DPP6: variants seen among roughly 807,000 people sequenced by gnomAD.
The protein encoded by DPP6 is A-type potassium channel modulatory protein DPP6.
A neutral mutation model predicts 122.6 loss-of-function variants in DPP6; 69 were observed. That is an observed-to-expected ratio of 0.56 (90% CI 0.46 to 0.69). The LOEUF (loss-of-function observed/expected upper bound fraction) is 0.69, where lower values mean the gene tolerates loss of function less well. Ranked by LOEUF, DPP6 falls within the 30% of genes least tolerant of loss-of-function variation. The pLI, the probability that DPP6 is intolerant of heterozygous loss-of-function variation, is 0.00. For missense variants in DPP6, 928 were observed against 1,116.9 expected (o/e 0.83, Z 2.41); for synonymous variants, 418 against 433.1 (o/e 0.97, Z 0.43).
At chr7:154,023,357 C>CACACACACACAT (rs1563109429) in intron 1 of DPP6, among the ~76,000 whole-genome samples, 7 of 151,084 alleles carry the variant, frequency 4.6e-5, no homozygotes, top group African/African-American at 1.7e-4. Context: ...CACACACACA[C>CACACACACACAT]ACACTTCTTA....
chr7:154,760,955 C>T lies in DPP6; in HGVS notation c.884-8462C>T, dbSNP rs891796731. On this transcript the variant is annotated intron_variant, in intron 8 of 25. Coordinates refer to ENST00000377770, the MANE Select transcript of DPP6 (RefSeq NM_130797.4). The surrounding 1 kb of genome is among the most constrained non-coding windows in gnomAD (Gnocchi z 4.5). Reference sequence around the variant, plus strand: ...GTTCAAGCGATTCTCCTGCCTCAGCCTCCCGGATAGCTGGGACTACAGGCG... The same window carrying T: ...GTTCAAGCGATTCTCCTGCCTCAGCTTCCCGGATAGCTGGGACTACAGGCG... Among the ~76,000 whole-genome samples, 4 of 151,962 alleles carry T rather than the reference C, an allele frequency of 2.6e-5. No homozygotes were observed. In the East Asian group the frequency reaches 5.8e-4, roughly 22 times the overall value.
At chr7:154,296,418 G>A (rs1263977057) in intron 1 of DPP6, among the ~76,000 whole-genome samples, 1 of 152,164 alleles carries the variant, frequency 6.6e-6, no homozygotes, top group Non-Finnish European at 1.5e-5. Context: ...CGGTGAGACA[G>A]TGAGAGAAGA....
chr7:154,583,968 A>G (rs935548860), intron 5 of DPP6, among the ~76,000 whole-genome samples: 1 of 152,152 alleles, frequency 6.6e-6, no homozygotes, highest in African/African-American at 2.4e-5. Context: ...TGGCCCAGGC[A>G]GCATCGCCAT....
At chr7:154,212,954 C>G (rs923610767) in intron 1 of DPP6, among the ~76,000 whole-genome samples, 1 of 152,146 alleles carries the variant, frequency 6.6e-6, no homozygotes, top group African/African-American at 2.4e-5. Context: ...GGAGGAGATC[C>G]AGAAGGCATT....
intron 1 of DPP6, among the ~76,000 whole-genome samples, chr7:154,165,627 T>C (rs1289085734): frequency 1.3e-5 from 2 of 151,682 alleles, no homozygotes; most frequent in South Asian, 2.1e-4. Flanking sequence ...CCACCAACAG[T>C]GTAAAAGTGT....
chr7:154,603,161 T>C (rs1200579537), intron 5 of DPP6, among the ~76,000 whole-genome samples: 1 of 119,622 alleles, frequency 8.4e-6, no homozygotes, highest in Non-Finnish European at 1.9e-5. Context: ...TCATTCAAGA[T>C]TTTATCTTTA....
intron 1 of DPP6, among the ~76,000 whole-genome samples, chr7:153,994,141 C>T (rs960359910): frequency 3.3e-5 from 5 of 151,018 alleles, no homozygotes. Context: ...CAGGCTGTGC[C>T]ACTAACTCCC....
chr7:154,230,215 G>A (rs1800841998), intron 1 of DPP6, among the ~76,000 whole-genome samples: 1 of 152,046 alleles, frequency 6.6e-6, no homozygotes, highest in Admixed American at 6.6e-5. Context: ...CGAAGCACAT[G>A]GAAAATTCTG....
chr7:154,817,340 G>A (rs1166333542), intron 16 of DPP6, among the ~76,000 whole-genome samples: 4 of 152,108 alleles, frequency 2.6e-5, no homozygotes, highest in Non-Finnish European at 5.9e-5. Context: ...ATGATGTCAT[G>A]AAAGTCGTAA....
intron 5 of DPP6, among the ~76,000 whole-genome samples, chr7:154,628,763 G>A (rs1007889752): frequency 3.3e-5 from 5 of 152,068 alleles, no homozygotes; most frequent in African/African-American, 1.2e-4. Context: ...GAGTCCCCAG[G>A]GGCTTCCTGG....
chr7:153,781,215 G>A, the DPP6 span, among the ~76,000 whole-genome samples: 3,929 of 152,224 alleles, frequency 0.026, 155 homozygotes, highest in African/African-American at 0.089. Context: ...GCCTGTGCAG[G>A]CTGAGCTCTT....
intron 1 of DPP6, among the ~76,000 whole-genome samples, chr7:153,958,451 A>G (rs1367732573): frequency 1.3e-5 from 2 of 152,108 alleles, no homozygotes; most frequent in Non-Finnish European, 2.9e-5. Context: ...TCACTCGACC[A>G]TGCCCAGCTG....
chr7:153,952,841 C>T (rs371602863), intron 1 of DPP6, among the ~76,000 whole-genome samples: 26 of 152,206 alleles, frequency 1.7e-4, no homozygotes, highest in African/African-American at 5.8e-4. Flanking sequence ...ATTGGTATAC[C>T]CACAATCTTT....
In DPP6 at chr7:154,888,087, C is replaced by CT. The variant is rs532540671; in HGVS notation, c.2304+372dup. On this transcript the variant is annotated intron_variant, in intron 23 of 25. Coordinates refer to ENST00000377770, the MANE Select transcript of DPP6 (RefSeq NM_130797.4). Reference sequence around the variant, plus strand: ...AGCTGTGCTGCTGGGGGAGAGTGAGCTTTTTTTTTTTTTTTTTTTGAGATG... The same window carrying CT: ...AGCTGTGCTGCTGGGGGAGAGTGAGCTTTTTTTTTTTTTTTTTTTTGAGATG... 8.0e-3 allele frequency among the ~76,000 whole-genome samples: 948 copies of CT among 118,886 alleles called. 17 individuals are homozygous for CT. The highest frequency in any genetic ancestry group is 0.022 in the African/African-American group (635 of 29,150). The allele number at this position is 118,886 out of a possible 152,430, so 78.0% of individuals were successfully genotyped here.
chr7:153,937,953 G>A lies in DPP6; in HGVS notation c.51+50219G>A, dbSNP rs549900702. Among the ~76,000 whole-genome samples the A allele has an allele frequency of 2.6e-5, 4 of 152,312 alleles. No homozygotes were observed. In the South Asian group the frequency reaches 8.3e-4, roughly 32 times the overall value. On this transcript the variant is annotated intron_variant, in intron 1 of 25. Transcript: ENST00000404039. Reference sequence around the variant, plus strand: ...CAGATCCCATTCAACTGAGGGAAAGGATGACATAGGTTCAAAAAAATATAT... The same window carrying A: ...CAGATCCCATTCAACTGAGGGAAAGAATGACATAGGTTCAAAAAAATATAT...
chr7:154,410,370 G>T (rs566034434), intron 1 of DPP6, among the ~76,000 whole-genome samples: 1 of 152,332 alleles, frequency 6.6e-6, no homozygotes. Flanking sequence ...CTGATAAACA[G>T]ATGCAAACTG....
rs78975699 is a variant in DPP6 at position 153,936,800 on chromosome 7, G to A, written c.51+49066G>A. Among the ~76,000 whole-genome samples the A allele has an allele frequency of 1.5e-3, 178 of 118,058 alleles. 2 individuals are homozygous for A. The East Asian group carries it at 0.035, about 23-fold the overall frequency. The allele number at this position is 118,058 out of a possible 152,430, so 77.5% of individuals were successfully genotyped here. On this transcript the variant is annotated intron_variant, in intron 1 of 25. Coordinates refer to the DPP6 transcript ENST00000404039. ...CACTCCAGCCTGGGTGACAGAGTGA[G>A]ACTCCGTCTCAAAAAAAAAAAGAAA...
At chr7:154,223,786 G>A (rs1450774908) in intron 1 of DPP6, among the ~76,000 whole-genome samples, 1 of 148,790 alleles carries the variant, frequency 6.7e-6, no homozygotes, top group African/African-American at 2.6e-5. Context: ...GGTAGAGTGA[G>A]GACAACTTCA....
rs71184020 is a variant in DPP6 at position 154,646,027 on chromosome 7, C to CAAAAAAAAAAAA, written c.680+8161_680+8172dup. 2.3e-3 allele frequency among the ~76,000 whole-genome samples: 134 copies of CAAAAAAAAAAAA among 57,920 alleles called. 13 individuals carry two copies. The highest frequency in any genetic ancestry group is 3.0e-3 in the Non-Finnish European group (102 of 34,132). The allele number at this position is 57,920 out of a possible 152,430, so 38.0% of individuals were successfully genotyped here. ...CGGGCGGCAGAGTGAGACTCCGTCT[C>CAAAAAAAAAAAA]AAAAAAAAAAAAAAAAAAGAAAATA... On this transcript the variant is annotated intron_variant, in intron 6 of 25. Coordinates refer to ENST00000377770, the MANE Select transcript of DPP6 (RefSeq NM_130797.4).
Sources: gnomAD v4.1 joint callset for allele counts (sites outside exome capture counted in the v4.1 genomes callset) on GRCh38, gnomAD v4.1.1 for gene constraint, Gnocchi (gnomAD v3.1) non-coding constraint, MANE v1.5 for transcripts, NCBI Gene and HGNC (gene_info 2026-07-23, HGNC 2026-07-21) for gene names.